Variants in LRP1B observed in about 807,000 individuals in gnomAD.
LRP1B encodes low-density lipoprotein receptor-related protein 1B.
In LRP1B, 217 loss-of-function variants were observed where a neutral mutation model predicts 556.6. That is an observed-to-expected ratio of 0.39 (90% CI 0.35 to 0.44). The LOEUF (loss-of-function observed/expected upper bound fraction) is 0.44, where lower values mean the gene tolerates loss of function less well. LRP1B is among the 20% of genes least tolerant of loss of function. The probability of loss-of-function intolerance (pLI) is 1.00; values close to 1 mark genes in which losing one functional copy is unlikely to be tolerated. For synonymous variants in LRP1B, 2,047 were observed against 1,865.8 expected, an observed-to-expected ratio of 1.10 and a Z score of -2.50; for missense variants, 5,053 against 5,620.8, an observed-to-expected ratio of 0.90 and a Z score of 3.23.
intron 18 of LRP1B, among the ~76,000 whole-genome samples, chr2:140,979,298 T>C (rs549411681): frequency 6.6e-6 from 1 of 152,252 alleles, no homozygotes; most frequent in East Asian, 1.9e-4. Flanking sequence ...TATTTGTAAA[T>C]TTTCACTGAT....
intron 3 of LRP1B, among the ~76,000 whole-genome samples, chr2:141,464,722 G>A (rs1388901905): frequency 2.7e-5 from 4 of 150,816 alleles, no homozygotes; most frequent in South Asian, 2.1e-4. Context: ...ACGAGCCCCT[G>A]CGCCCGTCCC....
At chr2:140,297,672 T>G in intron 84 of LRP1B, 136 bp downstream of exon 84, 1 of 914,618 alleles carries the variant, frequency 1.1e-6, no homozygotes, top group South Asian at 1.9e-5. Flanking sequence ...AATGGGTAAA[T>G]AATTGTTGGA....
intron 1 of LRP1B, among the ~76,000 whole-genome samples, chr2:142,109,840 G>T (rs1706897942): frequency 6.6e-6 from 1 of 152,086 alleles, no homozygotes; most frequent in Non-Finnish European, 1.5e-5. Flanking sequence ...TTAAACGGGA[G>T]TTTTTCCCAA....
chr2:141,725,459 C>A (rs187723580), intron 2 of LRP1B, among the ~76,000 whole-genome samples: 58 of 151,800 alleles, frequency 3.8e-4, no homozygotes, highest in African/African-American at 1.3e-3. Flanking sequence ...TGTCATTGAT[C>A]AAGAGAAAGT....
At chr2:142,009,338 A>G (rs957096639) in intron 1 of LRP1B, among the ~76,000 whole-genome samples, 2 of 152,144 alleles carry the variant, frequency 1.3e-5, no homozygotes, top group Non-Finnish European at 1.5e-5. Context: ...TTTTGTTTCT[A>G]TATACAACCG....
chr2:142,112,056 C>A (rs932691864), intron 1 of LRP1B, among the ~76,000 whole-genome samples: 10 of 151,960 alleles, frequency 6.6e-5, no homozygotes, highest in African/African-American at 2.2e-4. Context: ...CATCAAGGTG[C>A]CTTTCCATCT....
chr2:142,035,045 T>G (rs1047853735), intron 1 of LRP1B, among the ~76,000 whole-genome samples: 13 of 151,792 alleles, frequency 8.6e-5, no homozygotes, highest in Admixed American at 4.6e-4. Context: ...TAGGGTATAC[T>G]GTACTATTCC....
chr2:140,542,004 T>A (rs377060399), intron 43 of LRP1B, 33 bp from the exon 44 acceptor site: 1 of 1,494,580 alleles, frequency 6.7e-7, no homozygotes, highest in Non-Finnish European at 9.2e-7. Context: ...ATTTTTATGA[T>A]GAATATATAG....
At chr2:140,766,767 A>G (rs1258132880) in intron 35 of LRP1B, among the ~76,000 whole-genome samples, 1 of 148,190 alleles carries the variant, frequency 6.7e-6, no homozygotes, top group Non-Finnish European at 1.5e-5. Context: ...AGAACAGTAA[A>G]GCCAAATCCT....
At chr2:140,267,997 T>C (rs1682287472) in intron 86 of LRP1B, among the ~76,000 whole-genome samples, 1 of 151,892 alleles carries the variant, frequency 6.6e-6, no homozygotes, top group Admixed American at 6.6e-5. Flanking sequence ...ATTCTGGTAA[T>C]ACAGGTACAT....
At chr2:140,451,416 A>C (rs1473704888) in intron 62 of LRP1B, among the ~76,000 whole-genome samples, 1 of 152,230 alleles carries the variant, frequency 6.6e-6, no homozygotes, top group Admixed American at 6.5e-5. Context: ...CAGTTGAACT[A>C]ATTTAGGTAA....
intron 2 of LRP1B, among the ~76,000 whole-genome samples, chr2:141,612,283 G>T (rs943773658): frequency 6.6e-6 from 1 of 152,184 alleles, no homozygotes; most frequent in African/African-American, 2.4e-5. Flanking sequence ...TATACCAATT[G>T]TCCTGAGACT....
At chr2:141,206,303 C>T (rs1399638401) in intron 6 of LRP1B, among the ~76,000 whole-genome samples, 1 of 151,996 alleles carries the variant, frequency 6.6e-6, no homozygotes, top group Non-Finnish European at 1.5e-5. Flanking sequence ...AACGAATTGC[C>T]GGGCGCGGTG....
intron 1 of LRP1B, among the ~76,000 whole-genome samples, chr2:142,052,507 T>C (rs889062078): frequency 2.0e-5 from 3 of 152,146 alleles, no homozygotes; most frequent in Non-Finnish European, 4.4e-5. Context: ...CAGTTAATTG[T>C]GTGCATTACT....
At chr2:141,937,316 C>T (rs533463342) in intron 1 of LRP1B, among the ~76,000 whole-genome samples, 8 of 151,496 alleles carry the variant, frequency 5.3e-5, no homozygotes, top group Non-Finnish European at 1.0e-4. Context: ...AGGTGGAAGG[C>T]GGAGTTTGCA....
At chr2:140,887,570 C>A (rs1023062786) in intron 23 of LRP1B, among the ~76,000 whole-genome samples, 1 of 152,034 alleles carries the variant, frequency 6.6e-6, no homozygotes, top group African/African-American at 2.4e-5. Context: ...TAGTTGAACA[C>A]CCCAGATAAT....
chr2:140,506,895 T>G lies in LRP1B; in HGVS notation c.8422A>C (p.Asn2808His). 2 of 1,613,864 alleles carry G rather than the reference T, an allele frequency of 1.2e-6. No individual in the cohort carries two copies. Among genetic ancestry groups the G allele is most frequent in the Non-Finnish European group, 1.7e-6 (2 of 1,179,878 alleles). ...GCAPNNTCDE[N>H]AFMCHNKVCI... is the part of the protein sequence containing the mutation. ...ACTTTATTATGGCACATGAAAGCAT[T>G]TTCATCACATGTATTATTGGGAGCT... The change falls in exon 53 of 91, where the codon AAT becomes CAT. Residue 2808 changes from asparagine (N) to histidine (H), a missense_variant. Transcript: ENST00000389484.
At chr2:140,857,600 C>G (rs974048803) in intron 27 of LRP1B, among the ~76,000 whole-genome samples, 4 of 152,048 alleles carry the variant, frequency 2.6e-5, no homozygotes, top group Non-Finnish European at 2.9e-5. Flanking sequence ...CAGATTCTAA[C>G]AGTATTATTT....
chr2:141,852,196 C>T (rs543632962), intron 1 of LRP1B, among the ~76,000 whole-genome samples: 12 of 151,816 alleles, frequency 7.9e-5, no homozygotes, highest in African/African-American at 2.7e-4. Context: ...AATCTAATGA[C>T]ACTGCTATTT....
Sources: gnomAD v4.1 joint callset for allele counts (sites outside exome capture counted in the v4.1 genomes callset) on GRCh38, gnomAD v4.1.1 for gene constraint, MANE v1.5 for transcripts, NCBI Gene and HGNC (gene_info 2026-07-23, HGNC 2026-07-21) for gene names.